The following LRP1B variants were observed in gnomAD, a reference collection of about 807,000 sequenced individuals.
LRP1B encodes the protein low-density lipoprotein receptor-related protein 1B.
A neutral mutation model predicts 556.6 loss-of-function variants in LRP1B; 217 were observed. That is an observed-to-expected ratio of 0.39 (90% CI 0.35 to 0.44). LRP1B has a LOEUF of 0.44. LRP1B is among the 20% of genes least tolerant of loss of function. The pLI, the probability that LRP1B is intolerant of heterozygous loss-of-function variation, is 1.00. For synonymous variants in LRP1B, 2,047 were observed against 1,865.8 expected (o/e 1.10, Z -2.50); for missense variants, 5,053 against 5,620.8 (o/e 0.90, Z 3.23).
rs1321976263 is a variant in LRP1B at position 141,423,290 on chromosome 2, C to CCT, written c.343+57105_343+57106insAG. On this transcript the variant is annotated intron_variant, in intron 3 of 90. Coordinates refer to ENST00000389484, the MANE Select transcript of LRP1B (RefSeq NM_018557.3). ...CCCTCTCACTAGGCAACAGCCAGAG[C>CCT]TTTTTTTTTTTTTTTTTTTTTTTTT... is the stretch of plus-strand genomic sequence containing the variant. 3.2e-4 allele frequency among the ~76,000 whole-genome samples: 22 copies of CCT among 68,368 alleles called. 4 individuals carry two copies. The highest frequency in any genetic ancestry group is 5.1e-4 in the East Asian group (1 of 1,954). The allele number at this position is 68,368 out of a possible 152,430, so 44.9% of individuals were successfully genotyped here.
At chr2:140,965,837 G>C (rs1430225397) in intron 18 of LRP1B, among the ~76,000 whole-genome samples, 5 of 149,008 alleles carry the variant, frequency 3.4e-5, no homozygotes, top group Admixed American at 2.7e-4. Context: ...AGTTTGCTGA[G>C]AATGATGGTT....
intron 2 of LRP1B, among the ~76,000 whole-genome samples, chr2:141,582,566 A>G (rs1686986114): frequency 6.6e-6 from 1 of 151,918 alleles, no homozygotes; most frequent in South Asian, 2.1e-4. Context: ...AGTTAGTTAT[A>G]TTTGTGTGGC....
At chr2:140,949,106 C>G (rs1044412272) in intron 20 of LRP1B, among the ~76,000 whole-genome samples, 12 of 152,076 alleles carry the variant, frequency 7.9e-5, no homozygotes, top group African/African-American at 2.9e-4. Context: ...ATATGATTCC[C>G]CTACCCCTCC....
At chr2:140,345,781 T>TATATAC (rs1282423055) in intron 77 of LRP1B, among the ~76,000 whole-genome samples, 6 of 127,690 alleles carry the variant, frequency 4.7e-5, no homozygotes, top group African/African-American at 1.7e-4. Flanking sequence ...TATATATACA[T>TATATAC]ATATATACAC....
chr2:140,306,048 G>T (rs1325388010), intron 83 of LRP1B, among the ~76,000 whole-genome samples: 1 of 135,332 alleles, frequency 7.4e-6, no homozygotes, highest in South Asian at 2.4e-4. Context: ...TGCTGGATTT[G>T]GTTTGCCAGT....
At chr2:140,851,856 G>C in intron 27 of LRP1B, 73 bp from the exon 28 acceptor site, 1 of 1,382,168 alleles carries the variant, frequency 7.2e-7, no homozygotes, top group Non-Finnish European at 9.8e-7. Context: ...GTTGACAGGG[G>C]TTATTCACCT....
intron 5 of LRP1B, among the ~76,000 whole-genome samples, chr2:141,233,817 T>C (rs1013644335): frequency 1.3e-5 from 2 of 152,052 alleles, no homozygotes; most frequent in African/African-American, 4.8e-5. Context: ...AAGTAATGAA[T>C]TCATATACTT....
At chr2:140,291,298 TTATATATATA>T (rs66596182) in intron 84 of LRP1B, among the ~76,000 whole-genome samples, 3 of 72,000 alleles carry the variant, frequency 4.2e-5, no homozygotes, top group Non-Finnish European at 7.3e-5. Context: ...AAATTTTATT[TTATATATATA>T]TATATATATA....
chr2:140,701,925 G>T, intron 39 of LRP1B, 80 bp from the exon 40 acceptor site: 11 of 1,554,606 alleles, frequency 7.1e-6, no homozygotes, highest in Non-Finnish European at 9.7e-6. Context: ...GAAGATAACA[G>T]ATGGACCAAC....
intron 35 of LRP1B, among the ~76,000 whole-genome samples, chr2:140,723,987 A>G (rs549036121): frequency 2.3e-4 from 35 of 152,310 alleles, no homozygotes; most frequent in Non-Finnish European, 4.0e-4. Context: ...AGATCTGGTA[A>G]TGAGGACTGA....
At chr2:142,046,467 A>G (rs1421475366) in intron 1 of LRP1B, among the ~76,000 whole-genome samples, 1 of 151,944 alleles carries the variant, frequency 6.6e-6, no homozygotes, top group East Asian at 1.9e-4. Flanking sequence ...GCATCAGGCC[A>G]ACAAATTAGG....
chr2:141,152,963 T>G (rs1011585080), intron 7 of LRP1B, among the ~76,000 whole-genome samples: 2 of 150,858 alleles, frequency 1.3e-5, no homozygotes, highest in African/African-American at 4.8e-5. Context: ...TAGTTTACTC[T>G]TAGACAGTAC....
chr2:140,456,403 A>G, intron 62 of LRP1B, 52 bp downstream of exon 62: 1 of 1,538,028 alleles, frequency 6.5e-7, no homozygotes, highest in African/African-American at 1.4e-5. Flanking sequence ...TAAACAAAAG[A>G]GCTGATGTTT....
At position 140,311,191 on chromosome 2, in the gene LRP1B, G is replaced by GA. The variant is rs893761750; in HGVS notation, c.12805+3743dup. Among the ~76,000 whole-genome samples the GA allele has an allele frequency of 4.0e-5, 6 of 151,442 alleles. No individual in the cohort carries two copies. The South Asian group carries it at 6.2e-4, about 16-fold the overall frequency. On this transcript the variant is annotated intron_variant, in intron 83 of 90. Coordinates refer to ENST00000389484, the MANE Select transcript of LRP1B (RefSeq NM_018557.3). ...ACTACTGAGTATATTCACCTAATGG[G>GA]AAAAAAATATCATTATATCAAAAAC...
intron 7 of LRP1B, among the ~76,000 whole-genome samples, chr2:141,090,354 G>A (rs192400596): frequency 3.9e-5 from 6 of 152,224 alleles, no homozygotes; most frequent in Non-Finnish European, 4.4e-5. Flanking sequence ...GTCCTTTCTT[G>A]TATTGAAAAA....
chr2:141,022,556 T>C (rs886942116), intron 11 of LRP1B, among the ~76,000 whole-genome samples: 4 of 151,960 alleles, frequency 2.6e-5, no homozygotes, highest in Non-Finnish European at 2.9e-5. Context: ...GTTAGACATA[T>C]AGAACATCAG....
intron 35 of LRP1B, among the ~76,000 whole-genome samples, chr2:140,755,079 A>G (rs556375475): frequency 6.6e-6 from 1 of 152,212 alleles, no homozygotes; most frequent in Non-Finnish European, 1.5e-5. Flanking sequence ...ACTTAGATAA[A>G]ATGTACAAAT....
At chr2:141,587,413 T>A (rs141582071) in intron 2 of LRP1B, among the ~76,000 whole-genome samples, 1,566 of 152,324 alleles carry the variant, frequency 0.01, 27 homozygotes, top group African/African-American at 0.035. Context: ...TCTGTAACTT[T>A]TTCTTAAAGG....
intron 2 of LRP1B, among the ~76,000 whole-genome samples, chr2:141,571,438 G>C (rs1457346616): frequency 7.2e-6 from 1 of 139,328 alleles, no homozygotes; most frequent in Admixed American, 7.0e-5. Context: ...TGGCCTCAAA[G>C]ACCGAAACTA....
Sources: allele counts gnomAD v4.1 joint callset (sites outside exome capture counted in the v4.1 genomes callset), GRCh38; gene constraint gnomAD v4.1.1; transcripts MANE v1.5; gene names NCBI Gene and HGNC (gene_info 2026-07-23, HGNC 2026-07-21).